Variants in CDC14C observed in about 807,000 individuals in gnomAD.
CDC14C encodes cell division cycle 14C.
CDC14C carries 19 observed loss-of-function variants against 26.9 expected under a neutral mutation model. The ratio of observed to expected loss-of-function variants is 0.71; its 90% confidence interval spans 0.49 to 1.04. The LOEUF is 1.04. Among genes scored for constraint, CDC14C ranks in the 50% least tolerant of loss-of-function variants. CDC14C has a pLI of 0.00. For synonymous variants in CDC14C, 185 were observed against 180.1 expected (o/e 1.03, Z -0.22); for missense variants, 423 against 520.0 (o/e 0.81, Z 1.81).
rs1384001548 is a variant in CDC14C, at chr7:48,927,023, G to A, written c.*1007G>A. On this transcript the variant is annotated 3_prime_UTR_variant, in exon 1 of 1. Coordinates refer to ENST00000650262, the MANE Select transcript of CDC14C (RefSeq NM_152627.3). ...AGGTTTTTTAATGTATTTATTTTCT[G>A]TTCAGCTTGTGACCCTGTGTCAAAA... is the stretch of plus-strand genomic sequence containing the variant. Among the ~76,000 whole-genome samples, 2 of 152,142 alleles carry A rather than the reference G, an allele frequency of 1.3e-5. No homozygotes were observed. The highest frequency in any genetic ancestry group is 2.9e-5 in the Non-Finnish European group (2 of 68,034).
chr7:48,926,600 T>G lies in CDC14C; in HGVS notation c.*584T>G, dbSNP rs1014686534. Among the ~76,000 whole-genome samples, 52 of 152,222 alleles carry G rather than the reference T, an allele frequency of 3.4e-4. No individual in the cohort carries two copies. Among genetic ancestry groups the G allele is most frequent in the Non-Finnish European group, 5.6e-4 (38 of 68,012 alleles). On this transcript the variant is annotated 3_prime_UTR_variant, in exon 1 of 1. Transcript: ENST00000650262. ...ACGTCCTTAAGGCACAGATGGCTCA[T>G]GCTATTGTTTGTGGCTTAAGAATGC... is the stretch of plus-strand genomic sequence containing the variant.
rs1435016510 is a variant in CDC14C at position 48,926,441 on chromosome 7, A to G, written c.*425A>G. 6.6e-6 allele frequency among the ~76,000 whole-genome samples: 1 copy of G among 151,852 alleles called. No homozygotes were observed. Among genetic ancestry groups the G allele is most frequent in the Admixed American group, 6.6e-5 (1 of 15,234 alleles). ...GAGCCCCGAACAGAGATTTACCCAC[A>G]TATTGATTAACAGCAAACAAGTCAT... On this transcript the variant is annotated 3_prime_UTR_variant, in exon 1 of 1. Transcript: ENST00000650262.
rs1798847582 is a variant in CDC14C at position 48,924,577 on chromosome 7, G to A, written c.-96G>A. ...CGTTGCTCCCTGACTGGCCGCGGCG[G>A]CCTCCAGGAAGCGGAAAAGCAAGGG... On this transcript the variant is annotated 5_prime_UTR_variant, in exon 1 of 1. Coordinates refer to ENST00000650262, the MANE Select transcript of CDC14C (RefSeq NM_152627.3). 5.2e-6 allele frequency: 4 copies of A among 774,314 alleles called. No individual in the cohort carries two copies. The highest frequency in any genetic ancestry group is 8.2e-6 in the Non-Finnish European group (4 of 487,530). The allele number at this position is 774,314 out of a possible 1,614,324, so 48.0% of individuals were successfully genotyped here.
Position 48,925,160 on chromosome 7 carries a change from G to T in CDC14C, c.488G>T (p.Gly163Val). Residue 163 changes from glycine (G) to valine (V), a missense_variant, in exon 1 of 1, where the codon GGC becomes GTC. Transcript: ENST00000650262. ...GCAGTAAAGAAGGCAATGCAGTATG[G>T]CTTCCTTAATTTCAACTCATTTAAC... ...FHAVKKAMQY[G>V]FLNFNSFNLD... 1.3e-6 allele frequency: 2 copies of T among 1,521,674 alleles called. No homozygotes were observed. Among genetic ancestry groups the T allele is most frequent in the East Asian group, 2.3e-5 (1 of 44,288 alleles). 94.3% of individuals were successfully genotyped at this position (1,521,674 alleles called of 1,614,324 possible).
In CDC14C at chr7:48,924,864, G is replaced by C. The variant is rs773286268; in HGVS notation, c.192G>C (p.Leu64=). The C allele has an allele frequency of 6.8e-7, 1 of 1,464,738 alleles. No individual in the cohort carries two copies. Among genetic ancestry groups the C allele is most frequent in the Non-Finnish European group, 9.6e-7 (1 of 1,043,888 alleles). The allele number at this position is 1,464,738 out of a possible 1,614,324, so 90.7% of individuals were successfully genotyped here. Residue 64 remains leucine (L), a synonymous_variant, in exon 1 of 1, where the codon CTG becomes CTC. Coordinates refer to ENST00000650262, the MANE Select transcript of CDC14C (RefSeq NM_152627.3). ...NFSEDFGPLN[L]AMVYRYCCKI... ...CCGAAGACTTTGGACCACTCAATCTGGCAATGGTTTACAGATATTGTTGCA... is the reference window on the plus strand; with the variant it reads ...CCGAAGACTTTGGACCACTCAATCTCGCAATGGTTTACAGATATTGTTGCA...
Position 48,925,024 on chromosome 7 carries a change from C to G in CDC14C, c.352C>G (p.Pro118Ala), listed in dbSNP as rs772560913. ...CATGGTTATATACTTGGGGAGAACCCCAGAAGCAGCATATAGAATATTAAT... is the reference window on the plus strand; with the variant it reads ...CATGGTTATATACTTGGGGAGAACCGCAGAAGCAGCATATAGAATATTAAT... ...CYMVIYLGRTPEAAYRILIFG... is the reference protein window; with the variant it reads ...CYMVIYLGRTAEAAYRILIFG... Residue 118 changes from proline (P) to alanine (A), a missense_variant, in exon 1 of 1, where the codon CCA becomes GCA. Physicochemically the swap from Pro to Ala is conservative, Grantham distance 27 (BLOSUM62 -1). Transcript: ENST00000650262. 3.0e-5 allele frequency: 42 copies of G among 1,397,974 alleles called. No homozygotes were observed. Among genetic ancestry groups the G allele is most frequent in the Non-Finnish European group, 4.2e-5 (41 of 983,152 alleles). The allele number at this position is 1,397,974 out of a possible 1,614,324, so 86.6% of individuals were successfully genotyped here. A position where few individuals can be genotyped will look rare whatever the true frequency, so the allele number is the denominator to read the frequency against.
In CDC14C at chr7:48,925,377, A is replaced by G. The variant is rs766167155; in HGVS notation, c.705A>G (p.Lys235=). The change falls in exon 1 of 1, where the codon AAA becomes AAG. Residue 235 remains lysine (K), a synonymous_variant. Transcript: ENST00000650262. The part of the protein sequence containing the change: ...HNVTTIIRLN[K]RMYDAKRFTD... Reference sequence around the variant, plus strand: ...TTACTACCATTATTCGTCTGAATAAAAGGATGTATGATGCCAAACGCTTTA... The same window carrying G: ...TTACTACCATTATTCGTCTGAATAAGAGGATGTATGATGCCAAACGCTTTA... 1 of 1,611,416 alleles carries G rather than the reference A, an allele frequency of 6.2e-7. No homozygotes were observed. The highest frequency in any genetic ancestry group is 8.5e-7 in the Non-Finnish European group (1 of 1,177,506).
In CDC14C at chr7:48,925,088, C is replaced by T. The variant is rs749373826; in HGVS notation, c.416C>T (p.Ala139Val). 33 of 1,533,430 alleles carry T rather than the reference C, an allele frequency of 2.2e-5. No homozygotes were observed. The South Asian group carries it at 3.4e-4, about 16-fold the overall frequency. The allele number at this position is 1,533,430 out of a possible 1,614,324, so 95.0% of individuals were successfully genotyped here. ...DTPYIPFRDAAYGSCNFYITL... is the reference protein window; with the variant it reads ...DTPYIPFRDAVYGSCNFYITL... Reference sequence around the variant, plus strand: ...CCCTATATTCCTTTCAGAGATGCTGCCTATGGAAGCTGCAATTTCTACATT... The same window carrying T: ...CCCTATATTCCTTTCAGAGATGCTGTCTATGGAAGCTGCAATTTCTACATT... The change falls in exon 1 of 1, where the codon GCC (alanine) becomes GTC (valine). Residue 139 changes from alanine to valine, a missense_variant. By Grantham distance (64) the Ala-to-Val change is moderately conservative. Transcript: ENST00000650262.
chr7:48,925,127 G>A lies in CDC14C; in HGVS notation c.455G>A (p.Cys152Tyr). ...SCNFYITLLD[C>Y]FHAVKKAMQY... is the part of the protein sequence containing the mutation. ...AATTTCTACATTACACTTCTTGACT[G>A]TTTTCATGCAGTAAAGAAGGCAATG... The change falls in exon 1 of 1, where the codon TGT becomes TAT. Residue 152 changes from cysteine (C) to tyrosine (Y), a missense_variant. By Grantham distance (194) the Cys-to-Tyr change is radical (BLOSUM62 -2). Coordinates refer to ENST00000650262, the MANE Select transcript of CDC14C (RefSeq NM_152627.3). The A allele has an allele frequency of 6.5e-7, 1 of 1,543,256 alleles. No homozygotes were observed. The highest frequency in any genetic ancestry group is 9.0e-7 in the Non-Finnish European group (1 of 1,115,596).
chr7:48,925,171 T>A lies in CDC14C; in HGVS notation c.499T>A (p.Phe167Ile). 1.3e-6 allele frequency: 2 copies of A among 1,529,528 alleles called. No individual in the cohort carries two copies. The highest frequency in any genetic ancestry group is 9.1e-7 in the Non-Finnish European group (1 of 1,103,064). The allele number at this position is 1,529,528 out of a possible 1,614,324, so 94.7% of individuals were successfully genotyped here. A position where few individuals can be genotyped will look rare whatever the true frequency, so the allele number is the denominator to read the frequency against. ...GGCAATGCAGTATGGCTTCCTTAAT[T>A]TCAACTCATTTAACCTTGATGAATA... ...KKAMQYGFLNFNSFNLDEYEH... is the reference protein window; with the variant it reads ...KKAMQYGFLNINSFNLDEYEH... The change falls in exon 1 of 1, where the codon TTC (phenylalanine) becomes ATC (isoleucine). Residue 167 changes from phenylalanine to isoleucine, a missense_variant. Physicochemically the swap from Phe to Ile is conservative, Grantham distance 21. Coordinates refer to ENST00000650262, the MANE Select transcript of CDC14C (RefSeq NM_152627.3).
Position 48,925,289 on chromosome 7 carries a change from T to A in CDC14C, c.617T>A (p.Leu206His), listed in dbSNP as rs1217605715. ...TGTGGACCTCATTCAAGAGCCAGAC[T>A]TGAAAGTGGTTACCACCAACATTCT... ...AFCGPHSRAR[L>H]ESGYHQHSPE... Residue 206 changes from leucine (L) to histidine (H), a missense_variant, in exon 1 of 1, where the codon CTT becomes CAT. Leu to His is a moderately conservative substitution (Grantham distance 99, BLOSUM62 -3). Around this residue, in one of 3 missense-constraint regions of CDC14C, gnomAD observed 310 missense variants for 356.8 expected, o/e 0.87. Coordinates refer to ENST00000650262, the MANE Select transcript of CDC14C (RefSeq NM_152627.3). The A allele has an allele frequency of 6.2e-7, 1 of 1,606,754 alleles. No homozygotes were observed. The highest frequency in any genetic ancestry group is 1.1e-5 in the South Asian group (1 of 90,952).
chr7:48,926,832 C>T lies in CDC14C; in HGVS notation c.*816C>T, dbSNP rs567258461. Among the ~76,000 whole-genome samples the T allele has an allele frequency of 8.6e-5, 13 of 151,946 alleles. 1 individual carries two copies. The highest frequency in any genetic ancestry group is 7.9e-4 in the Admixed American group (12 of 15,284). ...CAAAAAGAATGACTCAAAGAAAGGCCCAGCTCTCAAGCTGAATGACAAAAA... is the reference window on the plus strand; with the variant it reads ...CAAAAAGAATGACTCAAAGAAAGGCTCAGCTCTCAAGCTGAATGACAAAAA... On this transcript the variant is annotated 3_prime_UTR_variant, in exon 1 of 1. Coordinates refer to ENST00000650262, the MANE Select transcript of CDC14C (RefSeq NM_152627.3).
In CDC14C at chr7:48,925,484, A is replaced by G; in HGVS notation, c.812A>G (p.Asp271Gly). ...PTDAIVKRFL[D>G]ICENAEGAIA... The stretch of plus-strand genomic sequence containing the variant: ...GATGCCATTGTCAAAAGATTTCTGG[A>G]TATCTGTGAAAATGCTGAGGGTGCC... Residue 271 changes from aspartate to glycine, a missense_variant, in exon 1 of 1, where the codon GAT becomes GGT. By Grantham distance (94) the Asp-to-Gly change is moderately conservative. Transcript: ENST00000650262. 1.2e-6 allele frequency: 2 copies of G among 1,605,952 alleles called. No individual in the cohort carries two copies.
rs968129986 is a variant in CDC14C, at chr7:48,924,578, C to T, written c.-95C>T. 13 of 783,556 alleles carry T rather than the reference C, an allele frequency of 1.7e-5. No individual in the cohort carries two copies. Among genetic ancestry groups the T allele is most frequent in the Admixed American group, 2.7e-5 (1 of 36,740 alleles). 48.5% of individuals were successfully genotyped at this position (783,556 alleles called of 1,614,324 possible). On this transcript the variant is annotated 5_prime_UTR_variant, in exon 1 of 1. Transcript: ENST00000650262. The stretch of plus-strand genomic sequence containing the variant: ...GTTGCTCCCTGACTGGCCGCGGCGG[C>T]CTCCAGGAAGCGGAAAAGCAAGGGG...
rs1386044122 is a variant in CDC14C, at chr7:48,926,535, A to C, written c.*519A>C. 6.6e-6 allele frequency among the ~76,000 whole-genome samples: 1 copy of C among 152,138 alleles called. No homozygotes were observed. Among genetic ancestry groups the C allele is most frequent in the South Asian group, 2.1e-4 (1 of 4,822 alleles). Reference sequence around the variant, plus strand: ...TATGGGAAACGAAGGGATGGGCCTAATTAAAGGCATAGGTTGGGCTAGTTA... The same window carrying C: ...TATGGGAAACGAAGGGATGGGCCTACTTAAAGGCATAGGTTGGGCTAGTTA... On this transcript the variant is annotated 3_prime_UTR_variant, in exon 1 of 1. Coordinates refer to ENST00000650262, the MANE Select transcript of CDC14C (RefSeq NM_152627.3).
In CDC14C at chr7:48,924,875, A is replaced by G. The variant is rs760123104; in HGVS notation, c.203A>G (p.Tyr68Cys). 2 of 1,463,404 alleles carry G rather than the reference A, an allele frequency of 1.4e-6. No individual in the cohort carries two copies. The highest frequency in any genetic ancestry group is 1.7e-4 in the Middle Eastern group (1 of 5,750). The allele number at this position is 1,463,404 out of a possible 1,614,324, so 90.7% of individuals were successfully genotyped here. Residue 68 changes from tyrosine (Y) to cysteine (C), a missense_variant, in exon 1 of 1, where the codon TAC becomes TGC. Around this residue, in one of 3 missense-constraint regions of CDC14C, gnomAD observed 310 missense variants for 356.8 expected, o/e 0.87. Transcript: ENST00000650262. ...DFGPLNLAMV[Y>C]RYCCKINKKL... The stretch of plus-strand genomic sequence containing the variant: ...GGACCACTCAATCTGGCAATGGTTT[A>G]CAGATATTGTTGCAAGATAAATAAG...
chr7:48,925,283 C>G lies in CDC14C; in HGVS notation c.611C>G (p.Ala204Gly). The G allele has an allele frequency of 6.2e-7, 1 of 1,606,072 alleles. No homozygotes were observed. The highest frequency in any genetic ancestry group is 2.2e-5 in the East Asian group (1 of 44,856). The part of the protein sequence containing the change: ...FIAFCGPHSR[A>G]RLESGYHQHS... ...GCCTTCTGTGGACCTCATTCAAGAG[C>G]CAGACTTGAAAGTGGTTACCACCAA... Residue 204 changes from alanine (A) to glycine (G), a missense_variant, in exon 1 of 1, where the codon GCC (alanine) becomes GGC (glycine). Ala to Gly is a moderately conservative substitution (Grantham distance 60). This residue lies in a region of CDC14C where 310 missense variants were observed against 356.8 expected (regional missense o/e 0.87). Transcript: ENST00000650262.
chr7:48,927,189 A>G lies in CDC14C; in HGVS notation c.*1173A>G, dbSNP rs1562669416. On this transcript the variant is annotated 3_prime_UTR_variant, in exon 1 of 1. Transcript: ENST00000650262. ...GTACCCAAGCTGCTTGTCTTCTACC[A>G]AAGAGTGCTTTATTAACAAGAATCT... 1.3e-5 allele frequency among the ~76,000 whole-genome samples: 2 copies of G among 150,122 alleles called. No individual in the cohort carries two copies. Among genetic ancestry groups the G allele is most frequent in the Non-Finnish European group, 3.0e-5 (2 of 67,704 alleles).
At position 48,925,427 on chromosome 7, in the gene CDC14C, A is replaced by T; in HGVS notation, c.755A>T (p.Asp252Val). ...RFTDAGFDHH[D>V]LFFADGSTPT... ...ACGGATGCTGGCTTCGATCACCATG[A>T]TCTTTTCTTTGCGGATGGCAGCACC... is the stretch of plus-strand genomic sequence containing the variant. Residue 252 changes from aspartate to valine, a missense_variant, in exon 1 of 1, where the codon GAT becomes GTT. By Grantham distance (152) the Asp-to-Val change is radical. Transcript: ENST00000650262. The T allele has an allele frequency of 6.2e-7, 1 of 1,611,984 alleles. No homozygotes were observed. Among genetic ancestry groups the T allele is most frequent in the East Asian group, 2.2e-5 (1 of 44,862 alleles).
Sources: gnomAD v4.1 joint callset for allele counts (sites outside exome capture counted in the v4.1 genomes callset) on GRCh38, gnomAD v4.1.1 for gene constraint, gnomAD v4.1.1 regional missense constraint, MANE v1.5 for transcripts, NCBI Gene and HGNC (gene_info 2026-07-23, HGNC 2026-07-21) for gene names.